The following ZMIZ1 variants were observed in gnomAD, a reference collection of about 807,000 sequenced individuals.
ZMIZ1 encodes the protein zinc finger MIZ-type containing 1, also known as zinc finger MIZ domain-containing protein 1.
Under a neutral mutation model 113.9 loss-of-function variants are expected in ZMIZ1, and 17 were observed. That is an observed-to-expected ratio of 0.15 (90% confidence interval 0.10 to 0.22). The LOEUF is 0.22. Ranked by LOEUF, ZMIZ1 falls within the 10% of genes least tolerant of loss-of-function variation. ZMIZ1 has a pLI of 1.00. For missense variants in ZMIZ1, 1,059 were observed against 1,477.8 expected (o/e 0.72, Z 4.65); for synonymous variants, 607 against 603.1 (o/e 1.01, Z -0.09).
intron 7 of ZMIZ1, among the ~76,000 whole-genome samples, chr10:79,259,472 G>A (rs1270306634): frequency 6.6e-6 from 1 of 152,120 alleles, no homozygotes; most frequent in African/African-American, 2.4e-5. Flanking sequence ...CCCTCACCCT[G>A]TGCTTCTCAC....
At chr10:79,121,060 C>G (rs1394170135) in intron 2 of ZMIZ1, among the ~76,000 whole-genome samples, 1 of 152,200 alleles carries the variant, frequency 6.6e-6, no homozygotes, top group Non-Finnish European at 1.5e-5. Context: ...AAGCAATTTC[C>G]AGATGAGGAA....
At chr10:79,293,288 C>T in intron 11 of ZMIZ1, 93 bp from the exon 12 acceptor site, 4 of 1,471,686 alleles carry the variant, frequency 2.7e-6, no homozygotes, top group South Asian at 1.4e-5. Flanking sequence ...ACTCCTCCAC[C>T]TCCCCAACCC....
chr10:79,188,492 G>T (rs966373268), intron 4 of ZMIZ1, among the ~76,000 whole-genome samples: 2 of 152,208 alleles, frequency 1.3e-5, no homozygotes, highest in South Asian at 2.1e-4. Flanking sequence ...CATGAAGCTG[G>T]ACATGATACT....
chr10:79,102,502 C>G (rs1843401030), intron 1 of ZMIZ1, among the ~76,000 whole-genome samples: 1 of 152,166 alleles, frequency 6.6e-6, no homozygotes, highest in African/African-American at 2.4e-5. Flanking sequence ...GCAAGGCTGC[C>G]CAGGGCCAGG....
intron 1 of ZMIZ1, among the ~76,000 whole-genome samples, chr10:79,083,513 A>T (rs1254931663): frequency 6.6e-6 from 1 of 152,196 alleles, no homozygotes; most frequent in Non-Finnish European, 1.5e-5. Flanking sequence ...TTCTGACTTC[A>T]TGCTCAGTGA....
chr10:79,246,817 C>T (rs1350049168), intron 7 of ZMIZ1, among the ~76,000 whole-genome samples: 16 of 152,158 alleles, frequency 1.1e-4, no homozygotes, highest in Admixed American at 1.0e-3. Flanking sequence ...GCTCCCTGGC[C>T]AGACACCACA....
chr10:79,272,780 GGTGGTGCGT>G (rs906172745), intron 7 of ZMIZ1, among the ~76,000 whole-genome samples: 2 of 152,224 alleles, frequency 1.3e-5, no homozygotes, highest in African/African-American at 4.8e-5. Flanking sequence ...AGACGAGTTG[GGTGGTGCGT>G]GCTTTTACGT....
chr10:79,086,261 TCCTCCCAGGGA>T (rs1198770118), intron 1 of ZMIZ1, among the ~76,000 whole-genome samples: 5 of 151,930 alleles, frequency 3.3e-5, no homozygotes, highest in Non-Finnish European at 5.9e-5. Flanking sequence ...TGTCATTACC[TCCTCCCAGGGA>T]CCTCCTAGGC....
chr10:79,165,083 G>C (rs1846269016), intron 4 of ZMIZ1, among the ~76,000 whole-genome samples: 1 of 152,268 alleles, frequency 6.6e-6, no homozygotes, highest in Non-Finnish European at 1.5e-5. Context: ...TAGGGGGGTG[G>C]GGAGGTACAG....
intron 10 of ZMIZ1, 98 bp from the exon 11 acceptor site, chr10:79,292,060 G>A: frequency 8.1e-7 from 1 of 1,228,136 alleles, no homozygotes; most frequent in South Asian, 1.3e-5. Flanking sequence ...TCTAGGTTCT[G>A]GGTACAGCTC....
intron 3 of ZMIZ1, among the ~76,000 whole-genome samples, chr10:79,157,774 A>C (rs1287836646): frequency 6.6e-6 from 1 of 152,124 alleles, no homozygotes; most frequent in African/African-American, 2.4e-5. Context: ...ACCATGGGGT[A>C]AATATTTGCC....
At chr10:79,240,445 G>T (rs1219933171) in intron 7 of ZMIZ1, among the ~76,000 whole-genome samples, 1 of 152,154 alleles carries the variant, frequency 6.6e-6, no homozygotes, top group Non-Finnish European at 1.5e-5. Flanking sequence ...AGACTGGTTG[G>T]AGTGCCCGTA....
At chr10:79,070,151 G>GC (rs1412403772) in intron 1 of ZMIZ1, among the ~76,000 whole-genome samples, 11 of 151,292 alleles carry the variant, frequency 7.3e-5, no homozygotes, top group Admixed American at 2.6e-4. Context: ...GGGGTCGGGG[G>GC]GGGGAGGCGG....
At chr10:79,125,646 T>C (rs1421028876) in intron 2 of ZMIZ1, among the ~76,000 whole-genome samples, 3 of 152,230 alleles carry the variant, frequency 2.0e-5, no homozygotes, top group Admixed American at 6.5e-5. Context: ...CCTGTGTTCC[T>C]AGGTCTGAAG....
Position 79,314,683 on chromosome 10 carries a change from T to C in ZMIZ1, c.*1934T>C, listed in dbSNP as rs978674286. The C allele has an allele frequency of 6.2e-6, 1 of 161,506 alleles. No homozygotes were observed. Among genetic ancestry groups the C allele is most frequent in the Non-Finnish European group, 1.3e-5 (1 of 78,980 alleles). The allele number at this position is 161,506 out of a possible 1,614,324, so 10.0% of individuals were successfully genotyped here. A position where few individuals can be genotyped will look rare whatever the true frequency, so the allele number is the denominator to read the frequency against. On this transcript the variant is annotated 3_prime_UTR_variant, in exon 25 of 25. Transcript: ENST00000334512. ...TCAATGACAAAGACCGAGTCTTCTT[T>C]TTTTTTAAACAAAAACAAAAAAAGC...
intron 8 of ZMIZ1, among the ~76,000 whole-genome samples, chr10:79,279,845 C>G (rs530826256): frequency 3.9e-5 from 6 of 152,238 alleles, no homozygotes; most frequent in Non-Finnish European, 7.4e-5. Flanking sequence ...GCCTGCAATC[C>G]CAGGCACTCG....
chr10:79,214,854 GGT>G (rs2132707390), intron 6 of ZMIZ1, among the ~76,000 whole-genome samples: 1 of 152,206 alleles, frequency 6.6e-6, no homozygotes, highest in East Asian at 1.9e-4. Context: ...GAGGAAGGCG[GGT>G]GTGAGGGAGC....
chr10:79,087,901 C>A (rs1842864907), intron 1 of ZMIZ1, among the ~76,000 whole-genome samples: 1 of 152,224 alleles, frequency 6.6e-6, no homozygotes, highest in South Asian at 2.1e-4. Flanking sequence ...ACCAGTGTTG[C>A]AGCCCTTGCT....
intron 4 of ZMIZ1, among the ~76,000 whole-genome samples, chr10:79,185,970 A>G (rs566721750): frequency 6.6e-6 from 1 of 152,276 alleles, no homozygotes; most frequent in Non-Finnish European, 1.5e-5. Context: ...AGTCCCAGCC[A>G]GGCCCGATGA....
Sources: gnomAD v4.1 joint callset for allele counts (sites outside exome capture counted in the v4.1 genomes callset) on GRCh38, gnomAD v4.1.1 for gene constraint, MANE v1.5 for transcripts, NCBI Gene and HGNC (gene_info 2026-07-23, HGNC 2026-07-21) for gene names.